HMGXB3: variants seen among roughly 807,000 people sequenced by gnomAD.
HMGXB3 encodes HMG domain-containing protein 3.
In HMGXB3, 45 loss-of-function variants were observed where a neutral mutation model predicts 121.5. The observed-to-expected ratio is 0.37, with a 90% CI of 0.29 to 0.47. HMGXB3 has a LOEUF of 0.47. HMGXB3 is among the 20% of genes least tolerant of loss of function. The pLI is 0.99. For synonymous variants in HMGXB3, 590 were observed against 624.1 expected (o/e 0.95, Z 0.81); for missense variants, 1,376 against 1,602.2 (o/e 0.86, Z 2.41).
chr5:150,001,555 T>A (rs536307810), intron 1 of HMGXB3, among the ~76,000 whole-genome samples: 24 of 152,324 alleles, frequency 1.6e-4, no homozygotes, highest in African/African-American at 5.8e-4. Context: ...TAACGGAGAC[T>A]TAGGGTAAGT....
intron 1 of HMGXB3, among the ~76,000 whole-genome samples, chr5:150,003,453 C>G (rs959289106): frequency 3.3e-5 from 5 of 152,046 alleles, no homozygotes. Flanking sequence ...AGATAATAGT[C>G]TTTAACAGAG....
rs377299024 is a variant in HMGXB3 at position 150,024,434 on chromosome 5, C to T, written c.1214C>T (p.Pro405Leu). 1.3e-6 allele frequency: 2 copies of T among 1,551,726 alleles called. No individual in the cohort carries two copies. Among genetic ancestry groups the T allele is most frequent in the African/African-American group, 1.4e-5 (1 of 73,162 alleles). The change falls in exon 7 of 20, where the codon CCT becomes CTT. Residue 405 changes from proline (P) to leucine (L), a missense_variant. Around this residue, in one of 2 missense-constraint regions of HMGXB3, gnomAD observed 1,116 missense variants for 1,369.0 expected, o/e 0.82. Coordinates refer to ENST00000502717, the MANE Select transcript of HMGXB3 (RefSeq NM_014983.3). ...EAVSQLLNVA[P>L]PREVGEESEW... ...GTAAGCCAGCTCCTGAACGTAGCTC[C>T]TCCCAGAGAAGTAGGTGAGGAGAGT...
intron 16 of HMGXB3, among the ~76,000 whole-genome samples, chr5:150,045,963 A>G (rs551210683): frequency 3.7e-4 from 57 of 152,234 alleles, no homozygotes; most frequent in Non-Finnish European, 6.3e-4. Context: ...CCTATAAAAA[A>G]TGCTGATAAG....
chr5:150,051,071 C>T (rs56912656), intron 19 of HMGXB3, among the ~76,000 whole-genome samples: 10,674 of 152,210 alleles, frequency 0.07, 696 homozygotes, highest in Admixed American at 0.19. Context: ...CTTATCCAAC[C>T]CTCTCCTTTT....
At chr5:150,039,770 T>TA (rs1477966861) in intron 13 of HMGXB3, among the ~76,000 whole-genome samples, 1 of 152,232 alleles carries the variant, frequency 6.6e-6, no homozygotes, top group Admixed American at 6.5e-5. Flanking sequence ...TTTTGCTTTT[T>TA]AAAAAATATT....
At chr5:150,017,246 T>C (rs770980974) in intron 5 of HMGXB3, among the ~76,000 whole-genome samples, 2 of 152,232 alleles carry the variant, frequency 1.3e-5, no homozygotes, top group African/African-American at 2.4e-5. Context: ...AATTTACTTA[T>C]GAAACTAACC....
In HMGXB3 at chr5:150,030,877, G is replaced by A. The variant is rs1230881493; in HGVS notation, c.1833+38G>A. 6 of 1,484,426 alleles carry A rather than the reference G, an allele frequency of 4.0e-6. No homozygotes were observed. The Admixed American group carries it at 1.2e-4, about 29-fold the overall frequency. The allele number at this position is 1,484,426 out of a possible 1,614,324, so 92.0% of individuals were successfully genotyped here. ...CTAGGTGGTGGTGGGTTGACATGGAGGTTGTTTTGATTTTGTGGTTGAAGG... is the reference window on the plus strand; with the variant it reads ...CTAGGTGGTGGTGGGTTGACATGGAAGTTGTTTTGATTTTGTGGTTGAAGG... On this transcript the variant is annotated intron_variant, in intron 10 of 19. Coordinates refer to ENST00000502717, the MANE Select transcript of HMGXB3 (RefSeq NM_014983.3).
At chr5:150,027,258 T>G (rs1756254469) in intron 9 of HMGXB3, 141 bp downstream of exon 9, 1 of 579,540 alleles carries the variant, frequency 1.7e-6, no homozygotes, top group Admixed American at 3.5e-5. Flanking sequence ...ATGATTTATC[T>G]GTTTTTTAAG....
chr5:150,044,443 A>G (rs1282480153), intron 15 of HMGXB3, among the ~76,000 whole-genome samples: 1 of 152,112 alleles, frequency 6.6e-6, no homozygotes, highest in Non-Finnish European at 1.5e-5. Context: ...ACAAAGAGGA[A>G]TAAGGTGAGG....
chr5:150,005,112 G>A (rs11738182), intron 2 of HMGXB3, 123 bp downstream of exon 2: 142,744 of 1,308,762 alleles, frequency 0.11, 9,006 homozygotes, highest in Admixed American at 0.27. Context: ...CTGTGTCGAG[G>A]GATGAGGAGT....
chr5:150,039,247 G>A (rs1051732952), intron 13 of HMGXB3, among the ~76,000 whole-genome samples: 9 of 152,108 alleles, frequency 5.9e-5, no homozygotes, highest in African/African-American at 2.2e-4. Context: ...ATTTTGACAT[G>A]CCTAACAATG....
rs1756817480 is a variant in HMGXB3, at chr5:150,048,647, T to C, written c.3163T>C (p.Phe1055Leu). 1 of 1,551,758 alleles carries C rather than the reference T, an allele frequency of 6.4e-7. No homozygotes were observed. Residue 1055 changes from phenylalanine (F) to leucine (L), a missense_variant, in exon 18 of 20, where the codon TTC becomes CTC. This residue lies in a region of HMGXB3 where 1,116 missense variants were observed against 1,369.0 expected (regional missense o/e 0.82). Transcript: ENST00000502717. ...TAGAGCTATACGGCCCCCACGTCAC[T>C]TCACAGGTGGTAAAATCTACAAGGT... Reference protein sequence around the residue: ...GARAIRPPRHFTGGKIYKVCP... With the variant: ...GARAIRPPRHLTGGKIYKVCP...
chr5:150,027,655 G>C (rs372394000), intron 9 of HMGXB3, among the ~76,000 whole-genome samples: 96 of 152,030 alleles, frequency 6.3e-4, no homozygotes, highest in South Asian at 8.3e-4. Flanking sequence ...GGTTCAAGTG[G>C]TTCTCCTGCC....
At chr5:150,037,303 A>G in intron 12 of HMGXB3, 97 bp from the exon 13 acceptor site, 1 of 1,222,550 alleles carries the variant, frequency 8.2e-7, no homozygotes, top group Non-Finnish European at 1.1e-6. Flanking sequence ...CCTAAGCTCC[A>G]GCAAATGAGA....
Position 150,032,387 on chromosome 5 carries a change from T to C in HMGXB3, c.1834-67T>C, listed in dbSNP as rs556689656. 2.8e-4 allele frequency: 407 copies of C among 1,446,394 alleles called. 8 individuals are homozygous for C. The South Asian group carries it at 5.0e-3, about 18-fold the overall frequency. 89.6% of individuals were successfully genotyped at this position (1,446,394 alleles called of 1,614,324 possible). ...CTGATTTACTGGCAGCTGCTCATTC[T>C]GGTTCTGGGTTCTGCCCAGGTTTAA... On this transcript the variant is annotated intron_variant, in intron 10 of 19. Transcript: ENST00000502717.
chr5:150,012,546 G>C (rs1293549147), intron 5 of HMGXB3, among the ~76,000 whole-genome samples, 193 bp downstream of exon 5: 1 of 152,212 alleles, frequency 6.6e-6, no homozygotes, highest in Non-Finnish European at 1.5e-5. Flanking sequence ...CTTAATGGGG[G>C]TGAGGGGGTT....
At chr5:150,035,599 A>T (rs1490224512) in intron 11 of HMGXB3, among the ~76,000 whole-genome samples, 1 of 152,232 alleles carries the variant, frequency 6.6e-6, no homozygotes, top group African/African-American at 2.4e-5. Flanking sequence ...GTTGGGAATC[A>T]GTAAATAAGC....
chr5:150,030,050 A>G (rs902124075), intron 9 of HMGXB3, among the ~76,000 whole-genome samples: 9 of 152,246 alleles, frequency 5.9e-5, no homozygotes, highest in Non-Finnish European at 1.2e-4. Flanking sequence ...ACTAGTCTTA[A>G]ACCAGTAAAG....
intron 11 of HMGXB3, among the ~76,000 whole-genome samples, chr5:150,033,382 A>T (rs1214435192): frequency 6.6e-6 from 1 of 152,194 alleles, no homozygotes; most frequent in African/African-American, 2.4e-5. Context: ...GGACCTTGAA[A>T]GGCAGGCAGG....
Sources: gnomAD v4.1 joint callset for allele counts (sites outside exome capture counted in the v4.1 genomes callset) on GRCh38, gnomAD v4.1.1 for gene constraint, gnomAD v4.1.1 regional missense constraint, MANE v1.5 for transcripts, NCBI Gene and HGNC (gene_info 2026-07-23, HGNC 2026-07-21) for gene names.